Variants in ITGA5 observed in about 807,000 individuals in gnomAD.
ITGA5 encodes integrin subunit alpha 5.
ITGA5 carries 55 observed loss-of-function variants against 146.3 expected under a neutral mutation model. The ratio of observed to expected loss-of-function variants is 0.38; its 90% CI spans 0.30 to 0.47. The LOEUF (loss-of-function observed/expected upper bound fraction) is 0.47, where lower values mean the gene tolerates loss of function less well. Among genes scored for constraint, ITGA5 ranks in the 20% least tolerant of loss-of-function variants. ITGA5 has a pLI of 0.99. For synonymous variants in ITGA5, 500 were observed against 531.8 expected (o/e 0.94, Z 0.82); for missense variants, 1,131 against 1,329.0 (o/e 0.85, Z 2.32).
Position 54,401,403 on chromosome 12 carries a change from G to A in ITGA5, c.2463C>T (p.Asp821=). ...AGACATGGTGGACAGCAGGTCCCAG[G>A]TCCTCCTCCTTCTGAGGCTGGTCTC... ...HPRDQPQKEE[D]LGPAVHHVYE... Residue 821 remains aspartate, a synonymous_variant, in exon 24 of 30, where the codon GAC becomes GAT. Transcript: ENST00000293379. The surrounding 1 kb of genome is among the most constrained non-coding windows in gnomAD (Gnocchi z 5.0). The A allele has an allele frequency of 6.2e-7, 1 of 1,613,388 alleles. No homozygotes were observed. Among genetic ancestry groups the A allele is most frequent in the Non-Finnish European group, 8.5e-7 (1 of 1,179,648 alleles).
At chr12:54,407,491 G>T in intron 9 of ITGA5, 158 bp downstream of exon 9, 1 of 684,730 alleles carries the variant, frequency 1.5e-6, no homozygotes, top group South Asian at 1.6e-5. Flanking sequence ...ATAAAGAGCA[G>T]AATGATTCTG....
chr12:54,419,007 C>T lies in ITGA5; in HGVS notation c.192G>A (p.Val64=). 3 of 1,608,566 alleles carry T rather than the reference C, an allele frequency of 1.9e-6. No homozygotes were observed. In the South Asian group the frequency reaches 3.3e-5, roughly 18 times the overall value. ...CGTCTGTTCCCGGCCGGTAAAACTCCACTGAGAATCCGAAGAAGGAGCCCG... is the reference window on the plus strand; with the variant it reads ...CGTCTGTTCCCGGCCGGTAAAACTCTACTGAGAATCCGAAGAAGGAGCCCG... ...GPPGSFFGFS[V]EFYRPGTDGV... is the part of the protein sequence containing the mutation. Residue 64 remains valine, a synonymous_variant, in exon 1 of 30, where the codon GTG becomes GTA. Transcript: ENST00000293379.
rs143754928 is a variant in ITGA5 at position 54,403,729 on chromosome 12, G to A, written c.1672C>T (p.Arg558Trp). The change falls in exon 17 of 30, where the codon CGG becomes TGG. Residue 558 changes from arginine (R) to tryptophan (W), a missense_variant. Transcript: ENST00000293379. The surrounding 1 kb of genome is among the most constrained non-coding windows in gnomAD (Gnocchi z 4.9). ...LDWQKQKGGV[R>W]RALFLASRQA... The stretch of plus-strand genomic sequence containing the variant: ...CTGGAGGCCAGGAACAGTGCCCGCC[G>A]TACCCCTCCCTTCTGCTTCTGCCAG... 27 of 1,614,206 alleles carry A rather than the reference G, an allele frequency of 1.7e-5. No homozygotes were observed. The highest frequency in any genetic ancestry group is 8.8e-5 in the South Asian group (8 of 91,086).
chr12:54,404,704 A>G lies in ITGA5; in HGVS notation c.1416T>C (p.Pro472=). 6.2e-7 allele frequency: 1 copy of G among 1,610,692 alleles called. No homozygotes were observed. Among genetic ancestry groups the G allele is most frequent in the Non-Finnish European group, 8.5e-7 (1 of 1,177,076 alleles). ...GGRDLDGNGY[P]DLIVGSFGVD... is the part of the protein sequence containing the mutation. ...AAAGGGGCCTCAGGCACAACTCACCAGGATATCCATTGCCATCCAGGTCTC... is the reference window on the plus strand; with the variant it reads ...AAAGGGGCCTCAGGCACAACTCACCGGGATATCCATTGCCATCCAGGTCTC... Residue 472 remains proline (P), a splice_region_variant and synonymous_variant, in exon 13 of 30, where the codon CCT becomes CCC. Coordinates refer to ENST00000293379, the MANE Select transcript of ITGA5 (RefSeq NM_002205.5).
intron 9 of ITGA5, chr12:54,407,402 C>G (rs143645441): frequency 5.5e-6 from 3 of 549,074 alleles, no homozygotes; most frequent in South Asian, 4.6e-5. Context: ...GCCAGAGCCT[C>G]GTGAGGTCAG....
chr12:54,403,212 T>C lies in ITGA5; in HGVS notation c.1889A>G (p.Gln630Arg). Reference sequence around the variant, plus strand: ...CTTGTCCTCTATCCGGCTCTTGCTCTGATAATGTAGGGCTGGCCTGAGGCC... The same window carrying C: ...CTTGTCCTCTATCCGGCTCTTGCTCCGATAATGTAGGGCTGGCCTGAGGCC... ...SHGLRPALHY[Q>R]SKSRIEDKAQ... Residue 630 changes from glutamine to arginine, a missense_variant, in exon 18 of 30, where the codon CAG becomes CGG. This residue lies in a region of ITGA5 where 889 missense variants were observed against 1,021.5 expected (regional missense o/e 0.87). Transcript: ENST00000293379. This position sits in a 1 kb window ranked among gnomAD's most constrained non-coding sequence, Gnocchi z 4.9. 1 of 1,561,798 alleles carries C rather than the reference T, an allele frequency of 6.4e-7. No homozygotes were observed. The highest frequency in any genetic ancestry group is 8.7e-7 in the Non-Finnish European group (1 of 1,155,404).
chr12:54,409,237 C>A lies in ITGA5; in HGVS notation c.578G>T (p.Arg193Leu). The A allele has an allele frequency of 1.2e-6, 2 of 1,610,940 alleles. No individual in the cohort carries two copies. The highest frequency in any genetic ancestry group is 1.7e-5 in the Admixed American group (1 of 59,552). ...AGGCCCCCTCTTGCCCCTACCTGAG[C>A]GGCAGGGTGCATACTCCAGAATTCG... ...FTRILEYAPC[R>L]SDFSWAAGQG... Residue 193 changes from arginine (R) to leucine (L), a missense_variant, in exon 4 of 30, where the codon CGC (arginine) becomes CTC (leucine). Arg to Leu is a moderately radical substitution (Grantham distance 102). This residue lies in a region of ITGA5 where 67 missense variants were observed against 128.2 expected (regional missense o/e 0.52). Transcript: ENST00000293379. The surrounding 1 kb of genome is among the most constrained non-coding windows in gnomAD (Gnocchi z 4.7).
intron 1 of ITGA5, among the ~76,000 whole-genome samples, chr12:54,417,508 G>C (rs1312499227): frequency 6.6e-6 from 1 of 151,366 alleles, no homozygotes; most frequent in Non-Finnish European, 1.5e-5. Flanking sequence ...TGGGGACCTT[G>C]AATAGCCCAG....
intron 14 of ITGA5, 24 bp from the exon 15 acceptor site, chr12:54,404,270 A>C: frequency 6.3e-7 from 1 of 1,593,458 alleles, no homozygotes; most frequent in Non-Finnish European, 8.6e-7. Context: ...ATGTGGGGTC[A>C]ATAGAATTAG....
Position 54,399,724 on chromosome 12 carries a change from C to T in ITGA5, c.2762G>A (p.Cys921Tyr). The change falls in exon 27 of 30, where the codon TGT (cysteine) becomes TAT (tyrosine). Residue 921 changes from cysteine to tyrosine, a missense_variant. Physicochemically the swap from Cys to Tyr is radical, Grantham distance 194. Transcript: ENST00000293379. ...TTGTTGGTGCAGGGGCCCGAGCTCA[C>T]AGCGCAGCCTGAAACACTCAGCCTC... ...CPEAECFRLR[C>Y]ELGPLHQQES... 1 of 1,614,200 alleles carries T rather than the reference C, an allele frequency of 6.2e-7. No homozygotes were observed. The highest frequency in any genetic ancestry group is 8.5e-7 in the Non-Finnish European group (1 of 1,180,024).
chr12:54,409,121 A>T lies in ITGA5; in HGVS notation c.583+111T>A. 8 of 1,493,766 alleles carry T rather than the reference A, an allele frequency of 5.4e-6. No individual in the cohort carries two copies. The highest frequency in any genetic ancestry group is 7.3e-6 in the Non-Finnish European group (8 of 1,099,698). The allele number at this position is 1,493,766 out of a possible 1,614,324, so 92.5% of individuals were successfully genotyped here. ...ACTGGGTTAGCCTTTATCTTAAGCA[A>T]CCTAGAACCTCATGGGGGCACATGG... On this transcript the variant is annotated intron_variant, in intron 4 of 29. Coordinates refer to ENST00000293379, the MANE Select transcript of ITGA5 (RefSeq NM_002205.5). The surrounding 1 kb of genome is among the most constrained non-coding windows in gnomAD (Gnocchi z 4.7).
At position 54,396,341 on chromosome 12, in the gene ITGA5, G is replaced by T. The variant is rs745882584; in HGVS notation, c.3102C>A (p.Thr1034=). 33 of 1,613,952 alleles carry T rather than the reference G, an allele frequency of 2.0e-5. No homozygotes were observed. The highest frequency in any genetic ancestry group is 2.7e-5 in the Non-Finnish European group (32 of 1,179,970). The change falls in exon 30 of 30, where the codon ACC becomes ACA. Residue 1034 remains threonine (T), a synonymous_variant. Transcript: ENST00000293379. Reference sequence around the variant, plus strand: ...GCTTGAGCTGAGCTTTTTCCATGGCGGTGCCATATGGGAGGGAGCGTTTGA... The same window carrying T: ...GCTTGAGCTGAGCTTTTTCCATGGCTGTGCCATATGGGAGGGAGCGTTTGA... ...GFFKRSLPYG[T]AMEKAQLKPP...
At position 54,397,254 on chromosome 12, in the gene ITGA5, T is replaced by G. The variant is rs888087975; in HGVS notation, c.3066+111A>C. 4.2e-6 allele frequency: 5 copies of G among 1,183,084 alleles called. No individual in the cohort carries two copies. The Admixed American group carries it at 7.2e-5, about 17-fold the overall frequency. 73.3% of individuals were successfully genotyped at this position (1,183,084 alleles called of 1,614,324 possible). ...GGGATGCATGTAGCCAGGACAGAGG[T>G]GGGGGCACATGGCTGGTGAACTGGT... On this transcript the variant is annotated intron_variant, in intron 29 of 29. Coordinates refer to ENST00000293379, the MANE Select transcript of ITGA5 (RefSeq NM_002205.5).
At chr12:54,396,665 C>T (rs908145037) in intron 29 of ITGA5, among the ~76,000 whole-genome samples, 4 of 152,168 alleles carry the variant, frequency 2.6e-5, no homozygotes, top group Non-Finnish European at 4.4e-5. Context: ...AGTCTGATTG[C>T]TTAGTAGTGG....
At chr12:54,408,470 A>G (rs1458025855) in intron 6 of ITGA5, among the ~76,000 whole-genome samples, 3 of 152,088 alleles carry the variant, frequency 2.0e-5, no homozygotes, top group Admixed American at 2.0e-4. Flanking sequence ...GCTCATGCCT[A>G]TAATCCCAGC....
intron 2 of ITGA5, 64 bp downstream of exon 2, chr12:54,411,769 AC>A: frequency 9.3e-7 from 1 of 1,070,936 alleles, no homozygotes; most frequent in Non-Finnish European, 1.3e-6. Flanking sequence ...CCCAGGCCCC[AC>A]CCAGGCCTTG....
chr12:54,401,528 C>T lies in ITGA5; in HGVS notation c.2388-50G>A. 7 of 1,598,348 alleles carry T rather than the reference C, an allele frequency of 4.4e-6. No homozygotes were observed. Among genetic ancestry groups the T allele is most frequent in the Non-Finnish European group, 6.0e-6 (7 of 1,168,656 alleles). ...AGGGTGGAAGGAACCCCATATGCAT[C>T]CTTCCCTAGAAGTCTGTGTCCCCTC... is the stretch of plus-strand genomic sequence containing the variant. On this transcript the variant is annotated intron_variant, in intron 23 of 29. Coordinates refer to ENST00000293379, the MANE Select transcript of ITGA5 (RefSeq NM_002205.5). This position sits in a 1 kb window ranked among gnomAD's most constrained non-coding sequence, Gnocchi z 5.0.
chr12:54,401,636 A>G lies in ITGA5; in HGVS notation c.2336T>C (p.Val779Ala). 1.9e-6 allele frequency: 3 copies of G among 1,614,086 alleles called. No homozygotes were observed. The highest frequency in any genetic ancestry group is 1.7e-6 in the Non-Finnish European group (2 of 1,180,016). The part of the protein sequence containing the change: ...SKNLNNSQSD[V>A]VSFRLSVEAQ... ...CTCCACGGAGAGCCGAAAGGAAACC[A>G]CGTCGCTTTGCGAGTTGTTGAGATT... The change falls in exon 23 of 30, where the codon GTG (valine) becomes GCG (alanine). Residue 779 changes from valine (V) to alanine (A), a missense_variant. Around this residue, in one of 3 missense-constraint regions of ITGA5, gnomAD observed 889 missense variants for 1,021.5 expected, o/e 0.87. Coordinates refer to ENST00000293379, the MANE Select transcript of ITGA5 (RefSeq NM_002205.5). The surrounding 1 kb of genome is among the most constrained non-coding windows in gnomAD (Gnocchi z 5.0).
chr12:54,404,148 G>A lies in ITGA5; in HGVS notation c.1562C>T (p.Ala521Val). Residue 521 changes from alanine to valine, a missense_variant, in exon 15 of 30, where the codon GCC (alanine) becomes GTC (valine). Transcript: ENST00000293379. ...AATTTCCTGGGCACCAGCTCACCAGGCCACAGGGTTCCCCTCTAAGCTGCA... is the reference window on the plus strand; with the variant it reads ...AATTTCCTGGGCACCAGCTCACCAGACCACAGGGTTCCCCTCTAAGCTGCA... ...RSCSLEGNPV[A>V]CINLSFCLNA... 3 of 1,582,744 alleles carry A rather than the reference G, an allele frequency of 1.9e-6. No individual in the cohort carries two copies. The highest frequency in any genetic ancestry group is 2.6e-6 in the Non-Finnish European group (3 of 1,164,360).
Sources: gnomAD v4.1 joint callset for allele counts (sites outside exome capture counted in the v4.1 genomes callset) on GRCh38, gnomAD v4.1.1 for gene constraint, gnomAD v4.1.1 regional missense constraint, Gnocchi (gnomAD v3.1) non-coding constraint, MANE v1.5 for transcripts, NCBI Gene and HGNC (gene_info 2026-07-23, HGNC 2026-07-21) for gene names.